ADGRG6: variants seen among roughly 807,000 people sequenced by gnomAD.
ADGRG6 encodes the protein G-protein coupled receptor 126.
Under a neutral mutation model 142.4 loss-of-function variants are expected in ADGRG6, and 84 were observed. That is an observed-to-expected ratio of 0.59 (90% CI 0.49 to 0.71). The LOEUF is 0.71. Ranked by LOEUF, ADGRG6 falls within the 30% of genes least tolerant of loss-of-function variation. ADGRG6 has a pLI of 0.00. For synonymous variants in ADGRG6, 521 were observed against 520.5 expected (o/e 1.00, Z -0.01); for missense variants, 1,367 against 1,466.6 (o/e 0.93, Z 1.11).
At chr6:142,337,036 C>T (rs1779351668) in intron 2 of ADGRG6, among the ~76,000 whole-genome samples, 1 of 152,174 alleles carries the variant, frequency 6.6e-6, no homozygotes, top group Non-Finnish European at 1.5e-5. Flanking sequence ...TCTACCAGGG[C>T]AGTGTCCCTT....
At chr6:142,348,360 A>C (rs894084024) in intron 2 of ADGRG6, among the ~76,000 whole-genome samples, 1 of 152,206 alleles carries the variant, frequency 6.6e-6, no homozygotes, top group East Asian at 1.9e-4. Flanking sequence ...TGGAAGAGGC[A>C]AAATTTAGAT....
intron 2 of ADGRG6, among the ~76,000 whole-genome samples, chr6:142,327,847 A>G (rs916887680): frequency 1.3e-5 from 2 of 152,222 alleles, no homozygotes; most frequent in South Asian, 4.2e-4. Flanking sequence ...CAAGAATCCT[A>G]CATTTTGAGA....
intron 2 of ADGRG6, among the ~76,000 whole-genome samples, chr6:142,318,876 A>C (rs1211951592): frequency 6.6e-6 from 1 of 151,984 alleles, no homozygotes; most frequent in Non-Finnish European, 1.5e-5. Context: ...GAGGATGTTA[A>C]GTGAGGGCCG....
chr6:142,429,541 G>A (rs192239668), intron 22 of ADGRG6, among the ~76,000 whole-genome samples: 171 of 152,296 alleles, frequency 1.1e-3, no homozygotes, highest in African/African-American at 3.8e-3. Context: ...TCCAGAGAGA[G>A]CCATAAACCC....
chr6:142,433,378 A>G (rs1471223262), intron 22 of ADGRG6, among the ~76,000 whole-genome samples: 1 of 152,220 alleles, frequency 6.6e-6, no homozygotes, highest in Non-Finnish European at 1.5e-5. Flanking sequence ...CTGGTGGTAC[A>G]AAGTGTATTT....
At chr6:142,433,268 T>A (rs1006950863) in intron 22 of ADGRG6, among the ~76,000 whole-genome samples, 1 of 152,198 alleles carries the variant, frequency 6.6e-6, no homozygotes, top group African/African-American at 2.4e-5. Flanking sequence ...TCAGGCTTCC[T>A]TCAGTCCACT....
At chr6:142,337,498 A>G (rs909299242) in intron 2 of ADGRG6, among the ~76,000 whole-genome samples, 6 of 152,142 alleles carry the variant, frequency 3.9e-5, no homozygotes, top group Non-Finnish European at 7.4e-5. Context: ...ATCTTTTTCC[A>G]GTAGTTCCTC....
intron 2 of ADGRG6, among the ~76,000 whole-genome samples, chr6:142,364,738 G>C (rs932036297): frequency 6.6e-6 from 1 of 152,168 alleles, no homozygotes; most frequent in Admixed American, 6.5e-5. Context: ...GGGTAGGCGT[G>C]GTGGCTCAGG....
intron 15 of ADGRG6, among the ~76,000 whole-genome samples, 159 bp from the exon 16 acceptor site, chr6:142,407,991 C>T (rs1325246458): frequency 1.3e-5 from 2 of 152,142 alleles, no homozygotes; most frequent in Non-Finnish European, 2.9e-5. Flanking sequence ...AATAGCAAAC[C>T]TCCTTCAGGA....
chr6:142,372,335 C>T (rs1781298971), intron 4 of ADGRG6, among the ~76,000 whole-genome samples: 1 of 152,114 alleles, frequency 6.6e-6, no homozygotes, highest in Non-Finnish European at 1.5e-5. Context: ...AAGAAGGAGC[C>T]TAGTATTCAA....
chr6:142,350,634 A>G (rs1419254797), intron 2 of ADGRG6, among the ~76,000 whole-genome samples: 1 of 152,242 alleles, frequency 6.6e-6, no homozygotes, highest in Non-Finnish European at 1.5e-5. Flanking sequence ...TAAAGTGACT[A>G]GAGTGAGACA....
At chr6:142,393,076 C>G (rs1774985043) in intron 8 of ADGRG6, 76 bp downstream of exon 8, 2 of 769,506 alleles carry the variant, frequency 2.6e-6, no homozygotes, top group Non-Finnish European at 4.5e-6. Flanking sequence ...TCTGATTGTA[C>G]CAAAATATAC....
chr6:142,429,119 T>C (rs1777092144), intron 22 of ADGRG6, among the ~76,000 whole-genome samples: 1 of 152,220 alleles, frequency 6.6e-6, no homozygotes, highest in South Asian at 2.1e-4. Context: ...TTACTAACTA[T>C]ACATTAAATG....
At chr6:142,425,252 G>T (rs927155552) in intron 22 of ADGRG6, among the ~76,000 whole-genome samples, 2 of 152,164 alleles carry the variant, frequency 1.3e-5, no homozygotes, top group African/African-American at 2.4e-5. Flanking sequence ...GAGCTGCCCA[G>T]TAGGGTCTGT....
chr6:142,304,892 G>A (rs1399268523), intron 1 of ADGRG6, among the ~76,000 whole-genome samples: 1 of 151,884 alleles, frequency 6.6e-6, no homozygotes, highest in Non-Finnish European at 1.5e-5. Flanking sequence ...AGGATATATT[G>A]ATCAAAAAAT....
At chr6:142,426,274 G>T (rs184231282) in intron 22 of ADGRG6, among the ~76,000 whole-genome samples, 1 of 152,300 alleles carries the variant, frequency 6.6e-6, no homozygotes, top group East Asian at 1.9e-4. Flanking sequence ...ATACAATGGG[G>T]GTACAGGCAT....
intron 2 of ADGRG6, among the ~76,000 whole-genome samples, chr6:142,337,247 C>G (rs1475732254): frequency 6.6e-6 from 1 of 152,054 alleles, no homozygotes; most frequent in African/African-American, 2.4e-5. Context: ...TGTGGATTAC[C>G]AGATAAAGCC....
intron 18 of ADGRG6, among the ~76,000 whole-genome samples, chr6:142,413,945 G>A (rs967373382): frequency 1.3e-4 from 16 of 121,466 alleles, no homozygotes; most frequent in African/African-American, 5.3e-4. Flanking sequence ...ACAACTTAAG[G>A]CCTGTGTGTG....
At chr6:142,321,117 A>T (rs1014909165) in intron 2 of ADGRG6, among the ~76,000 whole-genome samples, 12 of 152,028 alleles carry the variant, frequency 7.9e-5, no homozygotes, top group African/African-American at 2.7e-4. Flanking sequence ...GTGAAATGGG[A>T]TAAAGATAAA....
Sources: allele counts gnomAD v4.1 joint callset (sites outside exome capture counted in the v4.1 genomes callset), GRCh38; gene constraint gnomAD v4.1.1; transcripts MANE v1.5; gene names NCBI Gene and HGNC (gene_info 2026-07-23, HGNC 2026-07-21).